Variants in FRRS1 observed in about 807,000 individuals in gnomAD.
FRRS1 encodes the protein ferric chelate reductase 1.
Under a neutral mutation model 70.7 loss-of-function variants are expected in FRRS1, and 51 were observed. The ratio of observed to expected loss-of-function variants is 0.72; its 90% CI spans 0.58 to 0.91. The LOEUF (loss-of-function observed/expected upper bound fraction) is 0.91. Among genes scored for constraint, FRRS1 ranks in the 40% least tolerant of loss-of-function variants. The probability of loss-of-function intolerance (pLI) is 0.00; values close to 1 mark genes in which losing one functional copy is unlikely to be tolerated. For synonymous variants in FRRS1, 225 were observed against 238.7 expected (o/e 0.94, Z 0.53); for missense variants, 672 against 726.0 (o/e 0.93, Z 0.86).
chr1:99,751,252 T>G (rs1234592395), intron 1 of FRRS1, among the ~76,000 whole-genome samples: 1 of 151,878 alleles, frequency 6.6e-6, no homozygotes, highest in Admixed American at 6.6e-5. Context: ...GAACAGGAGG[T>G]GCGCTATGGG....
At chr1:99,712,017 G>T in intron 14 of FRRS1, 88 bp downstream of exon 14, 1 of 816,648 alleles carries the variant, frequency 1.2e-6, no homozygotes, top group South Asian at 1.6e-5. Flanking sequence ...AATTACTAAT[G>T]CATCTAAAAA....
intron 1 of FRRS1, among the ~76,000 whole-genome samples, chr1:99,764,484 TTTC>T (rs1657262620): frequency 6.6e-6 from 1 of 152,228 alleles, no homozygotes; most frequent in Admixed American, 6.5e-5. Context: ...GGTTAGATAT[TTTC>T]TTTTTTCTAT....
At chr1:99,734,363 A>G (rs1655544914) in intron 7 of FRRS1, among the ~76,000 whole-genome samples, 1 of 152,238 alleles carries the variant, frequency 6.6e-6, no homozygotes, top group Non-Finnish European at 1.5e-5. Context: ...TGAAAACCTT[A>G]GAGATGAAAT....
chr1:99,750,776 A>G (rs758277662), intron 1 of FRRS1, among the ~76,000 whole-genome samples: 5 of 152,124 alleles, frequency 3.3e-5, no homozygotes, highest in Non-Finnish European at 7.4e-5. Flanking sequence ...AGAAGAGGGA[A>G]GGAAACAGAA....
In FRRS1 at chr1:99,706,374, A is replaced by C. The variant is rs546506944; in HGVS notation, c.*2654T>G. 6.6e-6 allele frequency among the ~76,000 whole-genome samples: 1 copy of C among 150,940 alleles called. No individual in the cohort carries two copies. The highest frequency in any genetic ancestry group is 1.5e-5 in the Non-Finnish European group (1 of 67,818). On this transcript the variant is annotated 3_prime_UTR_variant, in exon 17 of 17. Coordinates refer to ENST00000646001, the MANE Select transcript of FRRS1 (RefSeq NM_001361041.2). Reference sequence around the variant, plus strand: ...CAGTGGGCTAAGATCGCACCACTGCACTCCAGCCTGGGCAACAGAGTAAGA... The same window carrying C: ...CAGTGGGCTAAGATCGCACCACTGCCCTCCAGCCTGGGCAACAGAGTAAGA...
chr1:99,740,643 T>C (rs1655909467), intron 6 of FRRS1, 150 bp downstream of exon 6: 1 of 621,424 alleles, frequency 1.6e-6, no homozygotes, highest in Non-Finnish European at 2.9e-6. Context: ...ATAAAAATGT[T>C]ACTAAAGCTG....
chr1:99,715,414 C>T (rs1478807503), intron 12 of FRRS1, among the ~76,000 whole-genome samples, 172 bp downstream of exon 12: 1 of 152,180 alleles, frequency 6.6e-6, no homozygotes, highest in Non-Finnish European at 1.5e-5. Flanking sequence ...TACTGACATC[C>T]TCACTATACC....
chr1:99,704,795 G>A lies in FRRS1; in HGVS notation c.*4233C>T, dbSNP rs373745231. Among the ~76,000 whole-genome samples the A allele has an allele frequency of 1.3e-4, 20 of 152,198 alleles. No individual in the cohort carries two copies. Among genetic ancestry groups the A allele is most frequent in the African/African-American group, 4.8e-4 (20 of 41,534 alleles). On this transcript the variant is annotated 3_prime_UTR_variant, in exon 17 of 17. Coordinates refer to ENST00000646001, the MANE Select transcript of FRRS1 (RefSeq NM_001361041.2). ...AGCATGCCGACAGGCCACGACTGGC[G>A]GAAGGAGGAACAGTTGGCGGAGTTT...
At position 99,708,931 on chromosome 1, in the gene FRRS1, T is replaced by C; in HGVS notation, c.*97A>G. 6.2e-7 allele frequency: 1 copy of C among 1,613,954 alleles called. No individual in the cohort carries two copies. The highest frequency in any genetic ancestry group is 8.5e-7 in the Non-Finnish European group (1 of 1,179,950). ...ATGACCCCAGTCTTCCAAGTGAGAA[T>C]TCACAAATATGCTCCAGGCAGTCAG... On this transcript the variant is annotated 3_prime_UTR_variant, in exon 17 of 17. Transcript: ENST00000646001.
At chr1:99,741,020 AG>A in intron 5 of FRRS1, 80 bp from the exon 6 acceptor site, 1 of 1,287,052 alleles carries the variant, frequency 7.8e-7, no homozygotes, top group Non-Finnish European at 1.1e-6. Flanking sequence ...GAAAAAAAAA[AG>A]AAAGACTAAA....
intron 1 of FRRS1, chr1:99,765,884 G>A (rs1253927581): frequency 3.9e-5 from 6 of 152,108 alleles, no homozygotes; most frequent in African/African-American, 1.4e-4. Context: ...CAGCCTGGCG[G>A]ACAGAGCGAG....
At chr1:99,745,345 T>C (rs1456479915) in intron 4 of FRRS1, among the ~76,000 whole-genome samples, 1 of 152,206 alleles carries the variant, frequency 6.6e-6, no homozygotes, top group African/African-American at 2.4e-5. Flanking sequence ...ATGGACGTTT[T>C]ACCTCTGAAG....
chr1:99,749,109 C>A (rs1656441714), intron 1 of FRRS1, 108 bp from the exon 2 acceptor site: 1 of 184,824 alleles, frequency 5.4e-6, no homozygotes, highest in African/African-American at 2.4e-5. Context: ...AATCTCGGCT[C>A]ACTGCAACCT....
At chr1:99,720,827 A>G (rs1359510502) in intron 9 of FRRS1, among the ~76,000 whole-genome samples, 2 of 138,102 alleles carry the variant, frequency 1.4e-5, no homozygotes, top group Non-Finnish European at 3.1e-5. Flanking sequence ...TCTTAAAAGC[A>G]TTTCCTAACA....
In FRRS1 at chr1:99,729,658, C is replaced by T; in HGVS notation, c.850G>A (p.Asp284Asn). Residue 284 changes from aspartate to asparagine, a missense_variant, in exon 8 of 17, where the codon GAC (aspartate) becomes AAC (asparagine). Transcript: ENST00000646001. ...HLTGRSHPVMDSRDTLEDMAW... is the reference protein window; with the variant it reads ...HLTGRSHPVMNSRDTLEDMAW... ...AGAATTTTCACACCTACCCTGGAGT[C>T]CATTACAGGGTGACTTCGCCCCGTT... is the stretch of plus-strand genomic sequence containing the variant. 2 of 1,601,642 alleles carry T rather than the reference C, an allele frequency of 1.2e-6. No homozygotes were observed. Among genetic ancestry groups the T allele is most frequent in the Non-Finnish European group, 8.6e-7 (1 of 1,169,108 alleles).
chr1:99,729,544 G>T, intron 8 of FRRS1, 106 bp downstream of exon 8: 1 of 690,368 alleles, frequency 1.4e-6, no homozygotes, highest in Non-Finnish European at 2.6e-6. Context: ...AGGCTAGGTG[G>T]AACTGTGGGG....
At chr1:99,711,545 A>C (rs1654271986) in intron 14 of FRRS1, 1 of 153,116 alleles carries the variant, frequency 6.5e-6, no homozygotes, top group South Asian at 2.1e-4. Flanking sequence ...GCAATATATG[A>C]AAGGAGAAAA....
In FRRS1 at chr1:99,748,382, C is replaced by T. The variant is rs557275664; in HGVS notation, c.196+191G>A. On this transcript the variant is annotated intron_variant, in intron 3 of 16. Coordinates refer to ENST00000646001, the MANE Select transcript of FRRS1 (RefSeq NM_001361041.2). ...TAACGATAAAAACTTATTTTAAAGCCTGTTCTGGATGGGGAATACACAGAC... is the reference window on the plus strand; with the variant it reads ...TAACGATAAAAACTTATTTTAAAGCTTGTTCTGGATGGGGAATACACAGAC... The T allele has an allele frequency of 1.9e-4, 91 of 477,296 alleles. No homozygotes were observed. The East Asian group carries it at 3.2e-3, about 17-fold the overall frequency. 29.6% of individuals were successfully genotyped at this position (477,296 alleles called of 1,614,324 possible).
At chr1:99,715,371 C>T (rs964818474) in intron 12 of FRRS1, among the ~76,000 whole-genome samples, 1 of 152,104 alleles carries the variant, frequency 6.6e-6, no homozygotes, top group African/African-American at 2.4e-5. Flanking sequence ...TCATGATGCA[C>T]CCTAAAAATA....
Sources: allele counts gnomAD v4.1 joint callset (sites outside exome capture counted in the v4.1 genomes callset), GRCh38; gene constraint gnomAD v4.1.1; transcripts MANE v1.5; gene names NCBI Gene and HGNC (gene_info 2026-07-23, HGNC 2026-07-21).